CSMD3: variants seen among roughly 807,000 people sequenced by gnomAD.
The protein encoded by CSMD3 is CUB and sushi domain-containing protein 3.
In CSMD3, 177 loss-of-function variants were observed where a neutral mutation model predicts 435.2. The observed-to-expected ratio is 0.41, with a 90% CI of 0.36 to 0.46. The LOEUF is 0.46. Among genes scored for constraint, CSMD3 ranks in the 20% least tolerant of loss-of-function variants. The pLI, the probability that CSMD3 is intolerant of heterozygous loss-of-function variation, is 0.34. For synonymous variants in CSMD3, 1,656 were observed against 1,520.5 expected (o/e 1.09, Z -2.07); for missense variants, 4,265 against 4,504.6 (o/e 0.95, Z 1.52).
At chr8:112,700,080 GT>G (rs1015053491) in intron 13 of CSMD3, among the ~76,000 whole-genome samples, 4 of 152,120 alleles carry the variant, frequency 2.6e-5, no homozygotes, top group Non-Finnish European at 4.4e-5. Flanking sequence ...ACATAAAGGA[GT>G]TTTTTGTTTT....
intron 13 of CSMD3, among the ~76,000 whole-genome samples, chr8:112,788,863 A>C (rs934738057): frequency 6.6e-6 from 1 of 152,142 alleles, no homozygotes; most frequent in Non-Finnish European, 1.5e-5. Flanking sequence ...TATTGAATGT[A>C]AAATAAAATA....
chr8:112,805,996 T>C (rs1307241538), intron 12 of CSMD3, among the ~76,000 whole-genome samples: 4 of 152,194 alleles, frequency 2.6e-5, no homozygotes, highest in African/African-American at 9.6e-5. Context: ...AAGCCTTCAA[T>C]AGACAAATTG....
intron 22 of CSMD3, among the ~76,000 whole-genome samples, chr8:112,621,362 A>G (rs1834059663): frequency 6.6e-6 from 1 of 152,196 alleles, no homozygotes; most frequent in Non-Finnish European, 1.5e-5. Context: ...GACAACTTTT[A>G]TAATAAAAAG....
chr8:113,389,363 C>T (rs1317589348), intron 1 of CSMD3, among the ~76,000 whole-genome samples: 1 of 151,516 alleles, frequency 6.6e-6, no homozygotes, highest in East Asian at 1.9e-4. Context: ...CCACAAAAAA[C>T]TTGGGCCCTC....
intron 42 of CSMD3, among the ~76,000 whole-genome samples, chr8:112,339,156 C>T (rs1346179455): frequency 6.6e-6 from 1 of 152,134 alleles, no homozygotes; most frequent in African/African-American, 2.4e-5. Context: ...AATTGGCTGT[C>T]TGCAACCAAT....
At chr8:112,245,346 GAT>G (rs1411525801) in intron 64 of CSMD3, among the ~76,000 whole-genome samples, 1 of 151,974 alleles carries the variant, frequency 6.6e-6, no homozygotes, top group Non-Finnish European at 1.5e-5. Flanking sequence ...CCCTGAAACA[GAT>G]AGCATTTTTT....
chr8:112,228,953 C>T (rs1200606868), intron 69 of CSMD3, 62 bp from the exon 70 acceptor site: 15 of 901,882 alleles, frequency 1.7e-5, no homozygotes, highest in Non-Finnish European at 2.3e-5. Flanking sequence ...TTTCTACTCC[C>T]ATGAATCAAT....
chr8:113,284,129 A>G (rs1484825454), intron 2 of CSMD3, among the ~76,000 whole-genome samples: 2 of 152,102 alleles, frequency 1.3e-5, no homozygotes, highest in African/African-American at 4.8e-5. Flanking sequence ...GATATAGTAC[A>G]GTATATACTG....
chr8:113,305,875 A>G (rs761687031), intron 2 of CSMD3, among the ~76,000 whole-genome samples: 28 of 152,190 alleles, frequency 1.8e-4, no homozygotes, highest in Non-Finnish European at 3.2e-4. Context: ...CCAATGCCCA[A>G]TGGCAATGCA....
chr8:112,816,328 G>T (rs530499738), intron 12 of CSMD3, among the ~76,000 whole-genome samples: 2 of 152,084 alleles, frequency 1.3e-5, no homozygotes. Context: ...AGAGGAAAGC[G>T]AGGGTGCAAG....
intron 13 of CSMD3, among the ~76,000 whole-genome samples, chr8:112,716,805 G>A (rs923692568): frequency 2.0e-5 from 3 of 152,072 alleles, no homozygotes; most frequent in Admixed American, 6.6e-5. Context: ...CTACAAACAC[G>A]ACAAAAGCAA....
chr8:112,704,018 T>C (rs988931233), intron 13 of CSMD3, among the ~76,000 whole-genome samples: 10 of 152,126 alleles, frequency 6.6e-5, no homozygotes, highest in Non-Finnish European at 1.3e-4. Context: ...TGGCAGCAAG[T>C]ATGCCCTGGG....
rs763068444 is a variant in CSMD3, at chr8:112,686,486, A to ATT, written c.2156-756_2156-755dup. 1.7e-3 allele frequency among the ~76,000 whole-genome samples: 243 copies of ATT among 141,544 alleles called. 2 individuals carry two copies. The highest frequency in any genetic ancestry group is 4.9e-3 in the African/African-American group (187 of 38,522). The allele number at this position is 141,544 out of a possible 152,430, so 92.9% of individuals were successfully genotyped here. On this transcript the variant is annotated intron_variant, in intron 14 of 70. Transcript: ENST00000297405. Reference sequence around the variant, plus strand: ...TATTATCTTCCAAAGTTTTCATTACATTTTTTTTTTTTTTTTCTGAGACGG... The same window carrying ATT: ...TATTATCTTCCAAAGTTTTCATTACATTTTTTTTTTTTTTTTTTCTGAGACGG...
chr8:112,345,966 T>C (rs1825631890), intron 41 of CSMD3, 131 bp downstream of exon 41: 3 of 709,692 alleles, frequency 4.2e-6, no homozygotes, highest in Admixed American at 2.0e-5. Flanking sequence ...TCAATTTACA[T>C]AGTTGTATGT....
chr8:112,388,762 G>T (rs1470597221), intron 36 of CSMD3, among the ~76,000 whole-genome samples: 1 of 152,074 alleles, frequency 6.6e-6, no homozygotes, highest in Non-Finnish European at 1.5e-5. Flanking sequence ...TATGTTTTCT[G>T]ATTATCTATT....
intron 31 of CSMD3, among the ~76,000 whole-genome samples, chr8:112,488,704 T>C (rs1210781828): frequency 1.3e-5 from 2 of 152,184 alleles, no homozygotes; most frequent in Non-Finnish European, 2.9e-5. Flanking sequence ...CATATTAATG[T>C]ATAGCAAAAG....
At chr8:112,356,048 G>A (rs1394408177) in intron 38 of CSMD3, among the ~76,000 whole-genome samples, 1 of 152,112 alleles carries the variant, frequency 6.6e-6, no homozygotes, top group Non-Finnish European at 1.5e-5. Context: ...TGGTGGCAAG[G>A]CTGCAGAGAA....
chr8:113,418,653 T>C (rs1484170030), intron 1 of CSMD3, among the ~76,000 whole-genome samples: 1 of 152,158 alleles, frequency 6.6e-6, no homozygotes, highest in Non-Finnish European at 1.5e-5. Context: ...TTCTAATGTG[T>C]TCAGAATCAC....
chr8:113,203,602 T>C (rs1246665135), intron 3 of CSMD3, among the ~76,000 whole-genome samples: 1 of 151,916 alleles, frequency 6.6e-6, no homozygotes. Context: ...TATAATTAAA[T>C]ATATAATTAA....
Sources: allele counts gnomAD v4.1 joint callset (sites outside exome capture counted in the v4.1 genomes callset), GRCh38; gene constraint gnomAD v4.1.1; transcripts MANE v1.5; gene names NCBI Gene and HGNC (gene_info 2026-07-23, HGNC 2026-07-21).